WDR26: variants seen among roughly 807,000 people sequenced by gnomAD.
WDR26 encodes WD repeat domain 26, also known as WD repeat-containing protein 26.
In WDR26, 5 loss-of-function variants were observed where a neutral mutation model predicts 84.1. The ratio of observed to expected loss-of-function variants is 0.06; its 90% CI spans 0.03 to 0.13. The LOEUF (loss-of-function observed/expected upper bound fraction) is 0.13, where lower values mean the gene tolerates loss of function less well. Ranked by LOEUF, WDR26 falls within the 10% of genes least tolerant of loss-of-function variation. The probability of loss-of-function intolerance (pLI) is 1.00; values close to 1 mark genes in which losing one functional copy is unlikely to be tolerated. For missense variants in WDR26, 642 were observed against 974.9 expected, an observed-to-expected ratio of 0.66 and a Z score of 4.55; for synonymous variants, 415 against 389.6, an observed-to-expected ratio of 1.07 and a Z score of -0.77.
intron 10 of WDR26, 89 bp from the exon 11 acceptor site, chr1:224,398,682 T>G (rs1344093285): frequency 1.3e-5 from 17 of 1,317,258 alleles, no homozygotes; most frequent in Admixed American, 2.2e-5. Context: ...AGCTTAAGTA[T>G]GACAATTTTG....
intron 8 of WDR26, among the ~76,000 whole-genome samples, chr1:224,401,702 G>GAAAAAAGAAAAAAGAAAA (rs1673426475): frequency 1.0e-5 from 1 of 97,768 alleles, no homozygotes; most frequent in African/African-American, 4.0e-5. Context: ...AAAAAAAAAA[G>GAAAAAAGAAAAAAGAAAA]AAAAAAGAAA....
intron 8 of WDR26, among the ~76,000 whole-genome samples, chr1:224,403,762 CCTCTT>C (rs1311411999): frequency 6.6e-6 from 1 of 152,146 alleles, no homozygotes; most frequent in Non-Finnish European, 1.5e-5. Flanking sequence ...CATGATGAAA[CCTCTT>C]CTCTGCTGAA....
intron 4 of WDR26, 91 bp downstream of exon 4, chr1:224,424,427 C>A (rs1025091742): frequency 2.8e-5 from 42 of 1,502,210 alleles, no homozygotes; most frequent in Non-Finnish European, 3.6e-5. Context: ...AAGAATTTAG[C>A]AATAATCAAG....
At position 224,433,831 on chromosome 1, in the gene WDR26, A is replaced by G. The variant is rs375450160; in HGVS notation, c.575T>C (p.Val192Ala). The change falls in exon 1 of 14, where the codon GTC (valine) becomes GCC (alanine). Residue 192 changes from valine to alanine, a missense_variant. By Grantham distance (64) the Val-to-Ala change is moderately conservative (BLOSUM62 0). Around this residue, in one of 2 missense-constraint regions of WDR26, gnomAD observed 291 missense variants for 302.1 expected, o/e 0.96. Transcript: ENST00000414423. Reference sequence around the variant, plus strand: ...GGCGGTGGTGGCGGAGGCAGCTGCGACGGTGGCTGAGGATGCGGCGGCCGC... The same window carrying G: ...GGCGGTGGTGGCGGAGGCAGCTGCGGCGGTGGCTGAGGATGCGGCGGCCGC... 3.9e-5 allele frequency: 60 copies of G among 1,536,694 alleles called. No individual in the cohort carries two copies. Among genetic ancestry groups the G allele is most frequent in the East Asian group, 2.4e-5 (1 of 40,912 alleles).
In WDR26 at chr1:224,418,337, A is replaced by T. The variant is rs751806966; in HGVS notation, c.1242T>A (p.Asp414Glu). The change falls in exon 6 of 14, where the codon GAT (aspartate) becomes GAA (glutamate). Residue 414 changes from aspartate to glutamate, a missense_variant. Asp to Glu is a conservative substitution (Grantham distance 45, BLOSUM62 2). Coordinates refer to ENST00000414423, the MANE Select transcript of WDR26 (RefSeq NM_001379403.1). The stretch of plus-strand genomic sequence containing the variant: ...GTTTGGTATTGTGATATAGGCACCG[A>T]TCCCTTTGTAGTTCCACCGCCTGCC... The T allele has an allele frequency of 6.2e-7, 1 of 1,613,720 alleles. No homozygotes were observed. The highest frequency in any genetic ancestry group is 8.5e-7 in the Non-Finnish European group (1 of 1,179,750).
At chr1:224,425,033 A>G (rs1235178639) in intron 3 of WDR26, among the ~76,000 whole-genome samples, 2 of 152,238 alleles carry the variant, frequency 1.3e-5, no homozygotes, top group Non-Finnish European at 2.9e-5. Flanking sequence ...GTATGACTTT[A>G]TAACTAGGGC....
In WDR26 at chr1:224,386,920, T is replaced by A. The variant is rs954207096; in HGVS notation, c.*2915A>T. On this transcript the variant is annotated 3_prime_UTR_variant, in exon 14 of 14. Coordinates refer to ENST00000414423, the MANE Select transcript of WDR26 (RefSeq NM_001379403.1). ...GTCATCCCTCCCCACTAACTCCCAC[T>A]CCAATTCTTTACTACCCACATACTA... 1 of 152,236 alleles carries A rather than the reference T, an allele frequency of 6.6e-6. No individual in the cohort carries two copies. Among genetic ancestry groups the A allele is most frequent in the Non-Finnish European group, 1.5e-5 (1 of 68,002 alleles). The allele number at this position is 152,236 out of a possible 1,614,324, so 9.4% of individuals were successfully genotyped here.
At chr1:224,404,715 T>C in intron 7 of WDR26, 145 bp from the exon 8 acceptor site, 1 of 927,814 alleles carries the variant, frequency 1.1e-6, no homozygotes, top group South Asian at 1.8e-5. Flanking sequence ...AACAGCTTGC[T>C]TCATAAAGAC....
In WDR26 at chr1:224,433,860, G is replaced by T. The variant is rs781024068; in HGVS notation, c.546C>A (p.Gly182=). ...TGGCTGAGGATGCGGCGGCCGCCCC[G>T]CCGGGAACCCCGTTATTGACATTCA... is the stretch of plus-strand genomic sequence containing the variant. The change falls in exon 1 of 14, where the codon GGC becomes GGA. Residue 182 remains glycine (G), a synonymous_variant. Transcript: ENST00000414423. 56 of 1,536,714 alleles carry T rather than the reference G, an allele frequency of 3.6e-5. No homozygotes were observed. The highest frequency in any genetic ancestry group is 4.4e-5 in the Non-Finnish European group (51 of 1,146,780).
intron 4 of WDR26, among the ~76,000 whole-genome samples, chr1:224,422,889 A>C (rs1294240003): frequency 6.6e-6 from 1 of 152,222 alleles, no homozygotes; most frequent in Non-Finnish European, 1.5e-5. Flanking sequence ...GTTAAAAGAC[A>C]AAGAAAAAGC....
chr1:224,406,380 A>G (rs927484067), intron 7 of WDR26, among the ~76,000 whole-genome samples: 5 of 152,106 alleles, frequency 3.3e-5, no homozygotes, highest in African/African-American at 1.2e-4. Context: ...TATTGAGTTT[A>G]GCTTTGAGCC....
At chr1:224,407,151 A>AAAAAAAATAAATATAT in intron 7 of WDR26, among the ~76,000 whole-genome samples, 1 of 11,870 alleles carries the variant, frequency 8.4e-5, no homozygotes, top group Admixed American at 1.3e-3. Flanking sequence ...AAAAAAAAAA[A>AAAAAAAATAAATATAT]ATATATATAT....
chr1:224,404,569 T>A lies in WDR26; in HGVS notation c.1460A>T (p.Asp487Val). 2 of 1,610,008 alleles carry A rather than the reference T, an allele frequency of 1.2e-6. No homozygotes were observed. The highest frequency in any genetic ancestry group is 8.5e-7 in the Non-Finnish European group (1 of 1,177,926). ...TTTAAGCAGTTTTAGCAGGTGTGTA[T>A]CCTGGGAGGGAAAATAAACAATTCA... The change falls in exon 8 of 14, where the codon GAT (aspartate) becomes GTT (valine). Residue 487 changes from aspartate to valine, a missense_variant and splice_region_variant. By Grantham distance (152) the Asp-to-Val change is radical. Coordinates refer to ENST00000414423, the MANE Select transcript of WDR26 (RefSeq NM_001379403.1).
intron 3 of WDR26, 82 bp downstream of exon 3, chr1:224,431,395 T>A (rs775971354): frequency 2.4e-6 from 3 of 1,269,974 alleles, no homozygotes; most frequent in Non-Finnish European, 2.2e-6. Flanking sequence ...CCTTATTTTT[T>A]TATAAGAGGC....
Position 224,389,686 on chromosome 1 carries a change from T to C in WDR26, c.*149A>G, listed in dbSNP as rs372953355. 10 of 782,878 alleles carry C rather than the reference T, an allele frequency of 1.3e-5. No individual in the cohort carries two copies. The highest frequency in any genetic ancestry group is 1.0e-4 in the African/African-American group (6 of 57,390). The allele number at this position is 782,878 out of a possible 1,614,324, so 48.5% of individuals were successfully genotyped here. A position where few individuals can be genotyped will look rare whatever the true frequency, so the allele number is the denominator to read the frequency against. On this transcript the variant is annotated 3_prime_UTR_variant, in exon 14 of 14. Coordinates refer to ENST00000414423, the MANE Select transcript of WDR26 (RefSeq NM_001379403.1). The stretch of plus-strand genomic sequence containing the variant: ...TTACTATGAAGCAAGGTGTAAATGT[T>C]TGGCCCCAATCGGGCTTCAGAAATG...
intron 6 of WDR26, among the ~76,000 whole-genome samples, chr1:224,414,998 T>C (rs75267314): frequency 6.8e-4 from 104 of 152,240 alleles, no homozygotes; most frequent in Non-Finnish European, 1.3e-3. Context: ...CAGGGCAAGA[T>C]CATGTGTTGA....
chr1:224,390,487 C>G (rs1031327775), intron 13 of WDR26, among the ~76,000 whole-genome samples: 1 of 152,118 alleles, frequency 6.6e-6, no homozygotes, highest in African/African-American at 2.4e-5. Flanking sequence ...TTTATGATAG[C>G]TACAATAGTA....
In WDR26 at chr1:224,424,560, G is replaced by A. The variant is rs1401923084; in HGVS notation, c.1022C>T (p.Thr341Met). ...GCGCTCTGTATTGTATTTCAGCGGC[G>A]TCAATTCACAGCGTAGAACTTGAAG... The change falls in exon 4 of 14, where the codon ACG (threonine) becomes ATG (methionine). Residue 341 changes from threonine (T) to methionine (M), a missense_variant. Physicochemically the swap from Thr to Met is moderately conservative, Grantham distance 81. Around this residue, in one of 2 missense-constraint regions of WDR26, gnomAD observed 351 missense variants for 672.8 expected, o/e 0.52. Coordinates refer to ENST00000414423, the MANE Select transcript of WDR26 (RefSeq NM_001379403.1). 1.9e-6 allele frequency: 3 copies of A among 1,614,050 alleles called. No individual in the cohort carries two copies. Among genetic ancestry groups the A allele is most frequent in the Non-Finnish European group, 2.5e-6 (3 of 1,179,948 alleles).
rs187956557 is a variant in WDR26 at position 224,389,298 on chromosome 1, A to G, written c.*537T>C. On this transcript the variant is annotated 3_prime_UTR_variant, in exon 14 of 14. Coordinates refer to ENST00000414423, the MANE Select transcript of WDR26 (RefSeq NM_001379403.1). The stretch of plus-strand genomic sequence containing the variant: ...TCATCTGGATCAGTATATACTGCGC[A>G]ACGGGCAAGGCTAGAATCCATGAAC... 2 of 187,956 alleles carry G rather than the reference A, an allele frequency of 1.1e-5. No homozygotes were observed. The highest frequency in any genetic ancestry group is 2.2e-5 in the Non-Finnish European group (2 of 92,514). 11.6% of individuals were successfully genotyped at this position (187,956 alleles called of 1,614,324 possible). A position where few individuals can be genotyped will look rare whatever the true frequency, so the allele number is the denominator to read the frequency against.
Sources: gnomAD v4.1 joint callset for allele counts (sites outside exome capture counted in the v4.1 genomes callset) on GRCh38, gnomAD v4.1.1 for gene constraint, gnomAD v4.1.1 regional missense constraint, MANE v1.5 for transcripts, NCBI Gene and HGNC (gene_info 2026-07-23, HGNC 2026-07-21) for gene names.